The following TCFL5 variants were observed in gnomAD, a reference collection of about 807,000 sequenced individuals.
TCFL5 encodes the protein transcription factor like 5, also known as transcription factor-like 5 protein.
A neutral mutation model predicts 44.3 loss-of-function variants in TCFL5; 9 were observed. The ratio of observed to expected loss-of-function variants is 0.20; its 90% CI spans 0.12 to 0.35. TCFL5 has a LOEUF of 0.35. Among genes scored for constraint, TCFL5 ranks in the 10% least tolerant of loss-of-function variants. TCFL5 has a pLI of 1.00. For synonymous variants in TCFL5, 319 were observed against 271.6 expected (o/e 1.17, Z -1.72); for missense variants, 603 against 613.4 (o/e 0.98, Z 0.18).
At chr20:62,858,113 A>C (rs1340859131) in intron 3 of TCFL5, among the ~76,000 whole-genome samples, 2 of 152,192 alleles carry the variant, frequency 1.3e-5, no homozygotes, top group African/African-American at 4.8e-5. Context: ...CAGTATTTTT[A>C]CTGCAATGCT....
chr20:62,854,432 C>T (rs1375148643), intron 4 of TCFL5, among the ~76,000 whole-genome samples: 3 of 152,230 alleles, frequency 2.0e-5, no homozygotes, highest in Non-Finnish European at 2.9e-5. Flanking sequence ...TTACTTCTCA[C>T]GGGCCAGGTT....
intron 5 of TCFL5, among the ~76,000 whole-genome samples, chr20:62,846,807 A>G (rs1179460797): frequency 6.6e-6 from 1 of 151,850 alleles, no homozygotes; most frequent in African/African-American, 2.4e-5. Flanking sequence ...AAATAATAAT[A>G]CCAACAATAA....
At chr20:62,846,903 G>A (rs1321107126) in intron 5 of TCFL5, among the ~76,000 whole-genome samples, 3 of 152,058 alleles carry the variant, frequency 2.0e-5, no homozygotes, top group South Asian at 4.2e-4. Flanking sequence ...GGAAGAAAGC[G>A]GCCGGGTGCA....
intron 2 of TCFL5, 37 bp downstream of exon 2, chr20:62,860,088 T>TACAAAAGAG (rs1328690637): frequency 8.3e-6 from 13 of 1,573,492 alleles, no homozygotes; most frequent in Non-Finnish European, 1.1e-5. Context: ...ACCCATTTAA[T>TACAAAAGAG]ACAAAAGAGC....
chr20:62,860,609 G>A (rs1471565662), intron 1 of TCFL5, among the ~76,000 whole-genome samples: 3 of 152,214 alleles, frequency 2.0e-5, no homozygotes, highest in Non-Finnish European at 4.4e-5. Context: ...AACTGCGGAC[G>A]CAGCCCCTTC....
chr20:62,842,069 G>A lies in TCFL5; in HGVS notation c.1409C>T (p.Thr470Ile), dbSNP rs753338222. 1 of 1,614,218 alleles carries A rather than the reference G, an allele frequency of 6.2e-7. No homozygotes were observed. Among genetic ancestry groups the A allele is most frequent in the South Asian group, 1.1e-5 (1 of 91,086 alleles). ...TCTGGTCAGCTTTAGCCTTCGGCCA[G>A]TTTTACCGCAAAATACGCTCTCAAA... ...KEFESVFCGK[T>I]GRRLKLTRPD... Residue 470 changes from threonine (T) to isoleucine (I), a missense_variant, in exon 6 of 6, where the codon ACT (threonine) becomes ATT (isoleucine). By Grantham distance (89) the Thr-to-Ile change is moderately conservative. Transcript: ENST00000335351. This position sits in a 1 kb window ranked among gnomAD's most constrained non-coding sequence, Gnocchi z 4.3.
At chr20:62,860,395 T>C (rs1415000096) in intron 1 of TCFL5, 87 bp from the exon 2 acceptor site, 2 of 1,269,804 alleles carry the variant, frequency 1.6e-6, no homozygotes, top group South Asian at 2.8e-5. Flanking sequence ...CTGGCTAGTT[T>C]TTCCAGACAG....
chr20:62,843,393 A>G (rs909478492), intron 5 of TCFL5, among the ~76,000 whole-genome samples: 3 of 151,680 alleles, frequency 2.0e-5, no homozygotes, highest in Non-Finnish European at 2.9e-5. Context: ...ATATTTATGA[A>G]TGAAATGATG....
chr20:62,858,920 C>T lies in TCFL5; in HGVS notation c.994+444G>A, dbSNP rs185443789. On this transcript the variant is annotated intron_variant, in intron 3 of 5. Transcript: ENST00000335351. ...CTTCAGCAGTGACTTTATTTCCAAA[C>T]TTTCCGAATCACCTTACAGCCTCTC... Among the ~76,000 whole-genome samples, 85 of 151,580 alleles carry T rather than the reference C, an allele frequency of 5.6e-4. 1 individual carries two copies. Among genetic ancestry groups the T allele is most frequent in the African/African-American group, 1.6e-3 (67 of 41,224 alleles).
At chr20:62,851,723 A>G (rs1203241590) in intron 5 of TCFL5, 1 of 985,344 alleles carries the variant, frequency 1.0e-6, no homozygotes, top group Non-Finnish European at 1.2e-6. Context: ...GAGACAAGAC[A>G]AACTATTGCC....
intron 5 of TCFL5, among the ~76,000 whole-genome samples, chr20:62,847,401 A>G (rs1003826892): frequency 4.6e-5 from 7 of 152,198 alleles, no homozygotes; most frequent in African/African-American, 1.4e-4. Context: ...GATAATAAAG[A>G]TAAGAGCAAA....
intron 5 of TCFL5, among the ~76,000 whole-genome samples, chr20:62,853,386 G>A (rs955100766): frequency 2.8e-4 from 43 of 152,114 alleles, no homozygotes; most frequent in African/African-American, 9.7e-4. Flanking sequence ...TTGCCCTGTT[G>A]CCCAGGCTGG....
intron 5 of TCFL5, among the ~76,000 whole-genome samples, chr20:62,847,105 C>T (rs1207394169): frequency 6.6e-6 from 1 of 151,696 alleles, no homozygotes; most frequent in Non-Finnish European, 1.5e-5. Flanking sequence ...ATTGCTTGAA[C>T]CCAGGAGGCA....
intron 5 of TCFL5, among the ~76,000 whole-genome samples, chr20:62,850,909 G>A (rs986364493): frequency 2.6e-5 from 4 of 151,996 alleles, no homozygotes; most frequent in African/African-American, 7.3e-5. Flanking sequence ...CGGCTGGCTC[G>A]CAGCAGCACC....
intron 5 of TCFL5, among the ~76,000 whole-genome samples, chr20:62,844,579 TTTG>T (rs1568774277): frequency 4.8e-5 from 6 of 124,978 alleles, no homozygotes; most frequent in African/African-American, 2.4e-4. Flanking sequence ...TTGTTTGTTT[TTTG>T]TTTTTTTTTT....
chr20:62,843,907 G>T (rs947216100), intron 5 of TCFL5, among the ~76,000 whole-genome samples: 1 of 152,226 alleles, frequency 6.6e-6, no homozygotes, highest in African/African-American at 2.4e-5. Flanking sequence ...CCATGCTGTA[G>T]CCTGTGTCAG....
rs1446529966 is a variant in TCFL5, at chr20:62,861,052, G to C, written c.619C>G (p.Pro207Ala). ...EPPPAPRGPE[P>A]PEPGGALNNL... ...TTGAGCGCCCCGCCCGGCTCGGGGG[G>C]CTCGGGGCCGCGCGGCGCGGGCGGC... is the stretch of plus-strand genomic sequence containing the variant. The change falls in exon 1 of 6, where the codon CCC becomes GCC. Residue 207 changes from proline (P) to alanine (A), a missense_variant. This residue lies in a region of TCFL5 where 540 missense variants were observed against 478.7 expected (regional missense o/e 1.13). Transcript: ENST00000335351. This position sits in a 1 kb window ranked among gnomAD's most constrained non-coding sequence, Gnocchi z 4.0. 1.3e-5 allele frequency: 13 copies of C among 995,188 alleles called. No homozygotes were observed. Among genetic ancestry groups the C allele is most frequent in the Admixed American group, 6.1e-5 (1 of 16,322 alleles). 61.6% of individuals were successfully genotyped at this position (995,188 alleles called of 1,614,324 possible). A position where few individuals can be genotyped will look rare whatever the true frequency, so the allele number is the denominator to read the frequency against.
At chr20:62,860,765 C>G (rs559134028) in intron 1 of TCFL5, among the ~76,000 whole-genome samples, 15 of 152,344 alleles carry the variant, frequency 9.8e-5, no homozygotes, top group South Asian at 6.2e-4. Flanking sequence ...CCCAGGAATT[C>G]TGCGCGCTCG....
chr20:62,859,397 C>T lies in TCFL5; in HGVS notation c.961G>A (p.Val321Ile), dbSNP rs772734298. 2 of 1,610,372 alleles carry T rather than the reference C, an allele frequency of 1.2e-6. No homozygotes were observed. The highest frequency in any genetic ancestry group is 2.2e-5 in the East Asian group (1 of 44,794). ...TTAATCCAAACTTGCTCAGGCAAAA[C>T]TTTGTTTCTACTACCTAACGTCTGT... ...TKQTLGSRNK[V>I]LPEQVWIKVG... Residue 321 changes from valine (V) to isoleucine (I), a missense_variant, in exon 3 of 6, where the codon GTT becomes ATT. Around this residue, in one of 4 missense-constraint regions of TCFL5, gnomAD observed 540 missense variants for 478.7 expected, o/e 1.13. Transcript: ENST00000335351.
Sources: gnomAD v4.1 joint callset for allele counts (sites outside exome capture counted in the v4.1 genomes callset) on GRCh38, gnomAD v4.1.1 for gene constraint, gnomAD v4.1.1 regional missense constraint, Gnocchi (gnomAD v3.1) non-coding constraint, MANE v1.5 for transcripts, NCBI Gene and HGNC (gene_info 2026-07-23, HGNC 2026-07-21) for gene names.